Variants in TBXAS1 observed in about 807,000 individuals in gnomAD.
TBXAS1 encodes thromboxane A synthase 1, also known as thromboxane-A synthase.
TBXAS1 carries 48 observed loss-of-function variants against 60.7 expected under a neutral mutation model. The ratio of observed to expected loss-of-function variants is 0.79; its 90% CI spans 0.63 to 1.01. The LOEUF (loss-of-function observed/expected upper bound fraction) is 1.01. Ranked by LOEUF, TBXAS1 falls within the 50% of genes least tolerant of loss-of-function variation. The pLI, the probability that TBXAS1 is intolerant of heterozygous loss-of-function variation, is 0.00. For missense variants in TBXAS1, 685 were observed against 686.3 expected (o/e 1.00, Z 0.02); for synonymous variants, 287 against 269.7 (o/e 1.06, Z -0.63).
Position 139,829,418 on chromosome 7 carries a change from GA to G in TBXAS1, c.30del (p.Val11Ter). 1 of 1,613,976 alleles carries G rather than the reference GA, an allele frequency of 6.2e-7. No individual in the cohort carries two copies. The highest frequency in any genetic ancestry group is 1.1e-5 in the South Asian group (1 of 90,980). ...GGAAGCCTTGGGGTTTCTAAAATTGGAAGTGAATGGCCCCATGGTGACGGTG... is the reference window on the plus strand; with the variant it reads ...GGAAGCCTTGGGGTTTCTAAAATTGGAGTGAATGGCCCCATGGTGACGGTG... MEALGFLKL[E>X]VNGPMVTVAL... On this transcript the variant is annotated frameshift_variant, in exon 1 of 13. Transcript: ENST00000448866. LOFTEE classifies it high-confidence loss of function.
rs750007788 is a variant in TBXAS1, at chr7:139,936,254, G to A, written c.397G>A (p.Glu133Lys). 1 of 1,614,234 alleles carries A rather than the reference G, an allele frequency of 6.2e-7. No homozygotes were observed. Among genetic ancestry groups the A allele is most frequent in the Non-Finnish European group, 8.5e-7 (1 of 1,180,048 alleles). Residue 133 changes from glutamate (E) to lysine (K), a missense_variant, in exon 5 of 13, where the codon GAA becomes AAA. Transcript: ENST00000448866. ...SVLFLRDKRW[E>K]EVRGALMSAF... ...TCTGTTTTTACGTGACAAAAGATGG[G>A]AAGAGGTCAGAGGTGCCCTGATGTC...
intron 10 of TBXAS1, 85 bp from the exon 11 acceptor site, chr7:140,015,638 A>C: frequency 6.6e-7 from 1 of 1,504,636 alleles, no homozygotes; most frequent in African/African-American, 1.4e-5. Context: ...TCCCCTTCAC[A>C]CTCAGACTCT....
At chr7:139,833,197 C>A (rs1185819800) in intron 1 of TBXAS1, among the ~76,000 whole-genome samples, 4 of 152,194 alleles carry the variant, frequency 2.6e-5, no homozygotes, top group Non-Finnish European at 5.9e-5. Context: ...AGATACAGAA[C>A]TGCAGAATGG....
intron 1 of TBXAS1, among the ~76,000 whole-genome samples, chr7:139,853,949 G>T (rs902099267): frequency 6.6e-6 from 1 of 152,102 alleles, no homozygotes; most frequent in African/African-American, 2.4e-5. Flanking sequence ...AGGATAGCCT[G>T]GGTGGGCTCC....
rs1413700091 is a variant in TBXAS1, at chr7:139,881,454, T to TC, written c.236+5817_236+5818insC. On this transcript the variant is annotated intron_variant, in intron 3 of 12. Transcript: ENST00000448866. ...AGATGGAGTTAGGGACACACCCTTTTTCCCCCCCTCCAGGAGGGTAGAGTT... is the reference window on the plus strand; with the variant it reads ...AGATGGAGTTAGGGACACACCCTTTTCTCCCCCCCTCCAGGAGGGTAGAGTT... Among the ~76,000 whole-genome samples the TC allele has an allele frequency of 9.8e-3, 1,437 of 146,576 alleles. 8 individuals carry two copies. The highest frequency in any genetic ancestry group is 0.021 in the Middle Eastern group (6 of 288).
At chr7:139,825,806 C>T (rs920783294), upstream of TBXAS1, among the ~76,000 whole-genome samples, 1 of 152,170 alleles carries the variant, frequency 6.6e-6, no homozygotes, top group African/African-American at 2.4e-5. Context: ...AAGCACTCTC[C>T]TTGGAAAACT....
At chr7:139,884,166 C>T (rs1291969641) in intron 3 of TBXAS1, among the ~76,000 whole-genome samples, 1 of 152,230 alleles carries the variant, frequency 6.6e-6, no homozygotes, top group Non-Finnish European at 1.5e-5. Flanking sequence ...AAACCGAACT[C>T]CAGTGGAAGC....
chr7:139,961,495 G>A (rs567462933), intron 8 of TBXAS1, among the ~76,000 whole-genome samples: 13 of 152,358 alleles, frequency 8.5e-5, no homozygotes, highest in South Asian at 8.3e-4. Flanking sequence ...ACTGTTGGGT[G>A]GGGACATTGC....
At chr7:139,810,173 A>T (rs767181624) in intron 4 of TBXAS1, among the ~76,000 whole-genome samples, 18 of 151,914 alleles carry the variant, frequency 1.2e-4, no homozygotes, top group Non-Finnish European at 2.4e-4. Flanking sequence ...AATAGCTAGG[A>T]TTACAGGCAT....
At chr7:139,927,259 C>T (rs1328948354) in intron 4 of TBXAS1, among the ~76,000 whole-genome samples, 1 of 151,584 alleles carries the variant, frequency 6.6e-6, no homozygotes, top group African/African-American at 2.4e-5. Context: ...CAGCCAAAGT[C>T]CTGGGATTAC....
chr7:139,881,234 A>G (rs969781529), intron 3 of TBXAS1, among the ~76,000 whole-genome samples: 3 of 152,150 alleles, frequency 2.0e-5, no homozygotes, highest in African/African-American at 7.2e-5. Flanking sequence ...TGCTTATCAT[A>G]TATTTCTTCC....
At chr7:139,819,604 GC>G (rs776855083) in intron 4 of TBXAS1, among the ~76,000 whole-genome samples, 3 of 152,174 alleles carry the variant, frequency 2.0e-5, no homozygotes, top group Non-Finnish European at 2.9e-5. Context: ...CCAGGTTCAA[GC>G]GATTCTCCTG....
chr7:139,859,796 A>G (rs1800838910), intron 1 of TBXAS1, among the ~76,000 whole-genome samples: 1 of 152,142 alleles, frequency 6.6e-6, no homozygotes, highest in Non-Finnish European at 1.5e-5. Flanking sequence ...AATTACAATA[A>G]CCATCAACTA....
rs1569525388 is a variant in TBXAS1 at position 140,015,841 on chromosome 7, G to GA, written c.1346dup (p.Thr450AspfsTer5). ...TGACCCTGAGCACTGGCCAAGCCCG[G>GA]AGACCTTCAACCCTGAAAGGTGAGT... On this transcript the variant is annotated frameshift_variant, in exon 11 of 13. Transcript: ENST00000448866. LOFTEE classifies it high-confidence loss of function. The GA allele has an allele frequency of 6.2e-7, 1 of 1,613,852 alleles. No individual in the cohort carries two copies. Among genetic ancestry groups the GA allele is most frequent in the Admixed American group, 1.7e-5 (1 of 60,032 alleles).
At chr7:140,006,733 T>C (rs1814106105) in intron 9 of TBXAS1, among the ~76,000 whole-genome samples, 1 of 152,192 alleles carries the variant, frequency 6.6e-6, no homozygotes, top group African/African-American at 2.4e-5. Context: ...GGGGAAACAG[T>C]CACCACACTG....
At chr7:140,009,641 A>ACACCTGCCCCACACCCG (rs1585050965) in intron 10 of TBXAS1, among the ~76,000 whole-genome samples, 1 of 18,120 alleles carries the variant, frequency 5.5e-5, no homozygotes, top group East Asian at 2.1e-3. Flanking sequence ...CCCCACACCC[A>ACACCTGCCCCACACCCG]CCCCACACCT....
At chr7:139,860,529 G>A (rs1800888651) in intron 1 of TBXAS1, among the ~76,000 whole-genome samples, 1 of 152,206 alleles carries the variant, frequency 6.6e-6, no homozygotes, top group African/African-American at 2.4e-5. Context: ...ATCATGAAAG[G>A]GGTTAAGTAT....
At chr7:139,911,423 G>A in intron 4 of TBXAS1, 102 bp downstream of exon 4, 1 of 1,048,486 alleles carries the variant, frequency 9.5e-7, no homozygotes, top group Non-Finnish European at 1.5e-6. Context: ...CTCTGATCAG[G>A]TTTATGTCAG....
At position 139,852,146 on chromosome 7, in the gene TBXAS1, A is replaced by T. The variant is rs1371889714; in HGVS notation, c.90-20089A>T. Among the ~76,000 whole-genome samples, 1 of 152,172 alleles carries T rather than the reference A, an allele frequency of 6.6e-6. No homozygotes were observed. The highest frequency in any genetic ancestry group is 1.5e-5 in the Non-Finnish European group (1 of 68,030). On this transcript the variant is annotated intron_variant, in intron 1 of 12. Coordinates refer to ENST00000448866, the MANE Select transcript of TBXAS1 (RefSeq NM_001061.7). The surrounding 1 kb of genome is among the most constrained non-coding windows in gnomAD (Gnocchi z 4.4). The stretch of plus-strand genomic sequence containing the variant: ...TAGCTGATCTGCTCGCAGACTCCTG[A>T]CCCTCAGAATCTGTGAGATAATGAA...
Sources: allele counts gnomAD v4.1 joint callset (sites outside exome capture counted in the v4.1 genomes callset), GRCh38; gene constraint gnomAD v4.1.1; non-coding constraint Gnocchi (gnomAD v3.1); transcripts MANE v1.5; gene names NCBI Gene and HGNC (gene_info 2026-07-23, HGNC 2026-07-21).